Variants in SELE observed in about 807,000 individuals in gnomAD.
The protein encoded by SELE is E-selectin.
In SELE, 52 loss-of-function variants were observed where a neutral mutation model predicts 75.8. The ratio of observed to expected loss-of-function variants is 0.69; its 90% CI spans 0.55 to 0.86. SELE has a LOEUF of 0.86. Ranked by LOEUF, SELE falls within the 40% of genes least tolerant of loss-of-function variation. The pLI is 0.00. For synonymous variants in SELE, 285 were observed against 258.7 expected (o/e 1.10, Z -0.98); for missense variants, 754 against 732.7 (o/e 1.03, Z -0.34).
At position 169,729,671 on chromosome 1, in the gene SELE, C is replaced by T. The variant is rs751239226; in HGVS notation, c.718G>A (p.Val240Ile). 1 of 1,613,744 alleles carries T rather than the reference C, an allele frequency of 6.2e-7. No individual in the cohort carries two copies. The highest frequency in any genetic ancestry group is 1.1e-5 in the South Asian group (1 of 90,976). ...GGATTTGTCACAGCATCACACTCAA[C>T]CACTGAGGATTTTAAAGAGCACCAT... ...WSAPIPACNV[V>I]ECDAVTNPAN... Residue 240 changes from valine (V) to isoleucine (I), a missense_variant and splice_region_variant, in exon 6 of 14, where the codon GTT becomes ATT. Val to Ile is a conservative substitution (Grantham distance 29). Coordinates refer to ENST00000333360, the MANE Select transcript of SELE (RefSeq NM_000450.2).
rs1558012773 is a variant in SELE, at chr1:169,725,787, AG to A, written c.1789del (p.Glu598AsnfsTer31). The A allele has an allele frequency of 6.2e-7, 1 of 1,614,096 alleles. No homozygotes were observed. The highest frequency in any genetic ancestry group is 8.5e-7 in the Non-Finnish European group (1 of 1,179,974). On this transcript the variant is annotated frameshift_variant, in exon 13 of 14. Transcript: ENST00000333360. LOFTEE classifies it high-confidence loss of function. ...KFVPASSCQS[L>X]ESDGSYQKPS... ...CTTTTGGTAGCTTCCATCTGATTCAAGGCTTTGGCAGCTGCTGTGGAATACA... is the reference window on the plus strand; with the variant it reads ...CTTTTGGTAGCTTCCATCTGATTCAAGCTTTGGCAGCTGCTGTGGAATACA...
At chr1:169,730,844 GA>G (rs1314300570) in intron 4 of SELE, among the ~76,000 whole-genome samples, 3 of 151,732 alleles carry the variant, frequency 2.0e-5, no homozygotes, top group Admixed American at 6.6e-5. Flanking sequence ...CCATAAAAAA[GA>G]AATATTGAGT....
Position 169,726,822 on chromosome 1 carries a change from A to C in SELE, c.1646-16T>G, listed in dbSNP as rs1386801785. On this transcript the variant is annotated splice_polypyrimidine_tract_variant and intron_variant, in intron 10 of 13. Transcript: ENST00000333360. ...TCAGTGGGAGCTAAGGAAGTAAGAG[A>C]CGAAGAAAGGTCATGAGGAAGAATT... 1 of 1,571,132 alleles carries C rather than the reference A, an allele frequency of 6.4e-7. No homozygotes were observed. The highest frequency in any genetic ancestry group is 8.8e-7 in the Non-Finnish European group (1 of 1,142,490).
Position 169,727,476 on chromosome 1 carries a change from G to C in SELE, c.1518C>G (p.Cys506Trp), listed in dbSNP as rs1648803951. The change falls in exon 10 of 14, where the codon TGC becomes TGG. Residue 506 changes from cysteine to tryptophan, a missense_variant. Coordinates refer to ENST00000333360, the MANE Select transcript of SELE (RefSeq NM_000450.2). ...LAVPGKINMS[C>W]SGEPVFGTVC... ...CAGTGCCAAACACGGGCTCCCCACTGCAGCTCATGTTGATCTTTCCCGGAA... is the reference window on the plus strand; with the variant it reads ...CAGTGCCAAACACGGGCTCCCCACTCCAGCTCATGTTGATCTTTCCCGGAA... 1 of 1,614,028 alleles carries C rather than the reference G, an allele frequency of 6.2e-7. No homozygotes were observed. The highest frequency in any genetic ancestry group is 1.3e-5 in the African/African-American group (1 of 74,910).
chr1:169,728,880 A>T (rs760742247), intron 7 of SELE, among the ~76,000 whole-genome samples: 15 of 152,178 alleles, frequency 9.9e-5, no homozygotes, highest in Non-Finnish European at 1.5e-4. Context: ...TGTTCTCATT[A>T]TTCTGCTTTC....
rs1558014155 is a variant in SELE, at chr1:169,729,141, TG to T, written c.1090+44del. 8 of 1,514,118 alleles carry T rather than the reference TG, an allele frequency of 5.3e-6. No individual in the cohort carries two copies. The South Asian group carries it at 1.0e-4, about 20-fold the overall frequency. 93.8% of individuals were successfully genotyped at this position (1,514,118 alleles called of 1,614,324 possible). ...TTTTTTCACTGTCCAAGTTTGAAGA[TG>T]GTTGTTCTTTAAGAAAGTATAAATC... On this transcript the variant is annotated intron_variant, in intron 7 of 13. Transcript: ENST00000333360.
intron 7 of SELE, 50 bp downstream of exon 7, chr1:169,729,136 G>T: frequency 6.8e-7 from 1 of 1,478,604 alleles, no homozygotes; most frequent in Non-Finnish European, 9.1e-7. Context: ...GTCCAAGTTT[G>T]AAGATGGTTG....
chr1:169,725,887 T>G lies in SELE; in HGVS notation c.1775+20A>C. The G allele has an allele frequency of 6.2e-7, 1 of 1,613,918 alleles. No individual in the cohort carries two copies. Among genetic ancestry groups the G allele is most frequent in the South Asian group, 1.1e-5 (1 of 91,072 alleles). On this transcript the variant is annotated intron_variant, in intron 12 of 13. Transcript: ENST00000333360. The stretch of plus-strand genomic sequence containing the variant: ...ATGTGGAATGTTCAATGGCATGCTT[T>G]GTATAAGAATGCAACTTACCTGGCA...
intron 13 of SELE, 63 bp downstream of exon 13, chr1:169,725,666 G>T: frequency 7.1e-7 from 1 of 1,401,848 alleles, no homozygotes. Flanking sequence ...GAGGGTTCAA[G>T]GAGAAACAGA....
rs746656637 is a variant in SELE, at chr1:169,727,702, T to C, written c.1468+37A>G. The C allele has an allele frequency of 1.9e-6, 3 of 1,597,208 alleles. No homozygotes were observed. In the East Asian group the frequency reaches 6.7e-5, roughly 36 times the overall value. ...AGGTTCAGAAACTTTATGAAGTATT[T>C]GACCTGTACCCTAAAAAAGTCTGCA... On this transcript the variant is annotated intron_variant, in intron 9 of 13. Transcript: ENST00000333360.
At chr1:169,733,711 A>G in intron 1 of SELE, 51 bp from the exon 2 acceptor site, 1 of 1,199,052 alleles carries the variant, frequency 8.3e-7, no homozygotes. Context: ...GTGGGTAGCT[A>G]GTTACATTAT....
rs1648962957 is a variant in SELE, at chr1:169,733,256, T to TCAGAATAA, written c.38-266_38-259dup. Among the ~76,000 whole-genome samples, 3 of 152,264 alleles carry TCAGAATAA rather than the reference T, an allele frequency of 2.0e-5. No homozygotes were observed. The South Asian group carries it at 6.2e-4, about 32-fold the overall frequency. On this transcript the variant is annotated intron_variant, in intron 2 of 13. Transcript: ENST00000333360. Reference sequence around the variant, plus strand: ...TACCCATTTTGTAGTAGAATAATAATCAGAATAACTAAGCTTTATTGAGCA... The same window carrying TCAGAATAA: ...TACCCATTTTGTAGTAGAATAATAATCAGAATAACAGAATAACTAAGCTTTATTGAGCA...
rs1170355474 is a variant in SELE at position 169,730,566 on chromosome 1, C to A, written c.581G>T (p.Ser194Ile). 4 of 1,613,904 alleles carry A rather than the reference C, an allele frequency of 2.5e-6. No homozygotes were observed. The highest frequency in any genetic ancestry group is 3.4e-6 in the Non-Finnish European group (4 of 1,179,990). ...ESPEHGSLVC[S>I]HPLGNFSYNS... ...GTAGCTGAAGTTTCCCAGTGGGTGA[C>A]TGCAAACCAGGCTTCCATGCTCAGG... is the stretch of plus-strand genomic sequence containing the variant. The change falls in exon 5 of 14, where the codon AGT (serine) becomes ATT (isoleucine). Residue 194 changes from serine to isoleucine, a missense_variant. By Grantham distance (142) the Ser-to-Ile change is moderately radical. Coordinates refer to ENST00000333360, the MANE Select transcript of SELE (RefSeq NM_000450.2).
At chr1:169,725,242 G>A (rs545390668) in intron 13 of SELE, among the ~76,000 whole-genome samples, 13 of 152,198 alleles carry the variant, frequency 8.5e-5, no homozygotes, top group African/African-American at 2.9e-4. Flanking sequence ...AATTAGCTGG[G>A]TGTGGTGGCA....
In SELE at chr1:169,723,450, T is replaced by G. The variant is rs2101988887; in HGVS notation, c.*1075A>C. ...TCTGTATTCTTTTCCAACAAAGACATTCATAAAATTATACCTTTGTGTGTT... is the reference window on the plus strand; with the variant it reads ...TCTGTATTCTTTTCCAACAAAGACAGTCATAAAATTATACCTTTGTGTGTT... On this transcript the variant is annotated 3_prime_UTR_variant, in exon 14 of 14. Transcript: ENST00000333360. 1 of 152,378 alleles carries G rather than the reference T, an allele frequency of 6.6e-6. No homozygotes were observed. The highest frequency in any genetic ancestry group is 1.9e-4 in the East Asian group (1 of 5,196). 9.4% of individuals were successfully genotyped at this position (152,378 alleles called of 1,614,324 possible).
Position 169,727,842 on chromosome 1 carries a change from G to C in SELE, c.1365C>G (p.Ser455=), listed in dbSNP as rs1250611776. 2.5e-6 allele frequency: 4 copies of C among 1,614,028 alleles called. No homozygotes were observed. In the Admixed American group the frequency reaches 6.7e-5, roughly 27 times the overall value. Residue 455 remains serine, a synonymous_variant, in exon 9 of 14, where the codon TCC becomes TCG. Coordinates refer to ENST00000333360, the MANE Select transcript of SELE (RefSeq NM_000450.2). ...CCTCCTCACAGCTGAAGGCACAAGA[G>C]GACTTGTAGGTGAATTCTCCAATAG... The part of the protein sequence containing the change: ...HSPIGEFTYK[S]SCAFSCEEGF...
Position 169,732,642 on chromosome 1 carries a change from T to C in SELE, c.394A>G (p.Lys132Glu). The change falls in exon 3 of 14, where the codon AAG becomes GAG. Residue 132 changes from lysine to glutamate, a missense_variant. Physicochemically the swap from Lys to Glu is moderately conservative, Grantham distance 56. Transcript: ENST00000333360. ...GTGTAGCATAGGGCAAGCTTCTTCT[T>C]GCTGCACCTCTCATCATTCCACATG... ...VGMWNDERCS[K>E]KKLALCYTAA... The C allele has an allele frequency of 1.2e-6, 2 of 1,607,258 alleles. No homozygotes were observed. The highest frequency in any genetic ancestry group is 1.7e-6 in the Non-Finnish European group (2 of 1,177,206).
chr1:169,731,972 G>A (rs766832883), intron 3 of SELE, 30 bp from the exon 4 acceptor site: 2 of 1,404,980 alleles, frequency 1.4e-6, no homozygotes, highest in South Asian at 2.3e-5. Context: ...TGATGAGGAG[G>A]ACTATTACTG....
chr1:169,726,901 A>T (rs749189959), intron 10 of SELE, 95 bp from the exon 11 acceptor site: 1 of 800,764 alleles, frequency 1.2e-6, no homozygotes, highest in Non-Finnish European at 2.1e-6. Flanking sequence ...TACATTCATT[A>T]CTAGGAGCAG....
Sources: allele counts gnomAD v4.1 joint callset (sites outside exome capture counted in the v4.1 genomes callset), GRCh38; gene constraint gnomAD v4.1.1; transcripts MANE v1.5; gene names NCBI Gene and HGNC (gene_info 2026-07-23, HGNC 2026-07-21).